The following DOCK8 variants were observed in gnomAD, a reference collection of about 807,000 sequenced individuals.
DOCK8 encodes dedicator of cytokinesis 8, also known as dedicator of cytokinesis protein 8.
In DOCK8, 141 loss-of-function variants were observed where a neutral mutation model predicts 245.6. That is an observed-to-expected ratio of 0.57 (90% confidence interval 0.50 to 0.66). The LOEUF is 0.66. Among genes scored for constraint, DOCK8 ranks in the 30% least tolerant of loss-of-function variants. DOCK8 has a pLI of 0.00. For synonymous variants in DOCK8, 1,168 were observed against 970.2 expected, an observed-to-expected ratio of 1.20 and a Z score of -3.79; for missense variants, 2,965 against 2,603.4, an observed-to-expected ratio of 1.14 and a Z score of -3.02.
At chr9:305,528 G>A (rs375329174) in intron 5 of DOCK8, among the ~76,000 whole-genome samples, 8 of 152,136 alleles carry the variant, frequency 5.3e-5, no homozygotes, top group East Asian at 1.9e-4. Context: ...CTTGTGATCC[G>A]CCCGCCTCGG....
chr9:301,735 C>T (rs2049554189), intron 4 of DOCK8, among the ~76,000 whole-genome samples: 1 of 152,132 alleles, frequency 6.6e-6, no homozygotes, highest in African/African-American at 2.4e-5. Context: ...ATCAAGAATG[C>T]AATTCCATTT....
chr9:266,289 C>G (rs1299751290), intron 1 of DOCK8, among the ~76,000 whole-genome samples: 2 of 152,106 alleles, frequency 1.3e-5, no homozygotes, highest in Non-Finnish European at 2.9e-5. Flanking sequence ...CATCTGCCCT[C>G]CTCCCACCTA....
chr9:314,642 A>AG (rs2050268904), intron 6 of DOCK8, among the ~76,000 whole-genome samples: 1 of 152,202 alleles, frequency 6.6e-6, no homozygotes, highest in Non-Finnish European at 1.5e-5. Context: ...AAAATGCTTG[A>AG]GGGCCTCTAT....
At chr9:408,812 T>G (rs942964776) in intron 28 of DOCK8, among the ~76,000 whole-genome samples, 2 of 152,160 alleles carry the variant, frequency 1.3e-5, no homozygotes, top group Non-Finnish European at 1.5e-5. Flanking sequence ...GTAGAGTATA[T>G]TCAGAGATAA....
Position 368,100 on chromosome 9 carries a change from T to C in DOCK8, c.1762T>C (p.Phe588Leu), listed in dbSNP as rs989941193. ...CCGGAACATTACAATAAAGATCCAG[T>C]TTATGTGTGGAGAAGATGCTAGCAA... ...SARNITIKIQ[F>L]MCGEDASNAM... Residue 588 changes from phenylalanine (F) to leucine (L), a missense_variant, in exon 15 of 48, where the codon TTT becomes CTT. By Grantham distance (22) the Phe-to-Leu change is conservative. Coordinates refer to ENST00000432829, the MANE Select transcript of DOCK8 (RefSeq NM_203447.4). The C allele has an allele frequency of 1.9e-6, 3 of 1,613,942 alleles. No individual in the cohort carries two copies. The highest frequency in any genetic ancestry group is 3.3e-5 in the Admixed American group (2 of 59,986).
intron 18 of DOCK8, among the ~76,000 whole-genome samples, chr9:372,749 C>CT (rs2053351011): frequency 1.3e-5 from 2 of 152,198 alleles, no homozygotes; most frequent in Non-Finnish European, 2.9e-5. Flanking sequence ...GTTTCTGGCA[C>CT]TTTCTCTTGC....
rs151243397 is a variant in DOCK8 at position 418,483 on chromosome 9, G to A, written c.3840+276G>A. On this transcript the variant is annotated intron_variant, in intron 30 of 47. Transcript: ENST00000432829. ...GGGTTTCGCCATGTTGGCCAGGCTG[G>A]TCTCAAACTCCCAACCTCAGATGGT... Among the ~76,000 whole-genome samples, 743 of 152,162 alleles carry A rather than the reference G, an allele frequency of 4.9e-3. 6 individuals are homozygous for A. The highest frequency in any genetic ancestry group is 0.017 in the African/African-American group (692 of 41,510).
intron 33 of DOCK8, among the ~76,000 whole-genome samples, chr9:426,004 G>A (rs1327022970): frequency 1.3e-5 from 2 of 152,082 alleles, no homozygotes; most frequent in East Asian, 3.9e-4. Context: ...CAGGACATAT[G>A]AGCTGATATA....
intron 5 of DOCK8, among the ~76,000 whole-genome samples, chr9:305,645 G>T (rs1223251197): frequency 6.6e-6 from 1 of 152,174 alleles, no homozygotes; most frequent in African/African-American, 2.4e-5. Flanking sequence ...TGTACATATT[G>T]TGAAATGAGC....
intron 16 of DOCK8, 116 bp downstream of exon 16, chr9:370,416 C>A: frequency 2.3e-6 from 2 of 884,254 alleles, no homozygotes; most frequent in Non-Finnish European, 3.7e-6. Flanking sequence ...GACTGAGGGG[C>A]AAAGGAAATC....
chr9:214,380 C>G, upstream of DOCK8: 1 of 795,676 alleles, frequency 1.3e-6, no homozygotes. Flanking sequence ...TATTTAGTGT[C>G]TCAGGAAGGA....
intron 46 of DOCK8, among the ~76,000 whole-genome samples, chr9:457,605 C>T (rs2057680021): frequency 6.6e-6 from 1 of 152,188 alleles, no homozygotes; most frequent in Non-Finnish European, 1.5e-5. Flanking sequence ...CAGCAGGATT[C>T]TGGGTTTATA....
intron 26 of DOCK8, among the ~76,000 whole-genome samples, chr9:399,777 C>T (rs984278412): frequency 2.6e-5 from 4 of 152,020 alleles, no homozygotes; most frequent in Admixed American, 2.0e-4. Flanking sequence ...GTGCCATCCC[C>T]CCAGATTTTT....
intron 26 of DOCK8, among the ~76,000 whole-genome samples, chr9:400,952 A>ACCACCTCCTCCACCACCT (rs1554692476): frequency 1.5e-5 from 1 of 67,438 alleles, no homozygotes; most frequent in Non-Finnish European, 3.6e-5. Flanking sequence ...CACCATCACC[A>ACCACCTCCTCCACCACCT]CCACCACCAC....
At chr9:370,380 C>T in intron 16 of DOCK8, 80 bp downstream of exon 16, 1 of 1,247,444 alleles carries the variant, frequency 8.0e-7, no homozygotes, top group South Asian at 1.2e-5. Context: ...GTGGGTGGTT[C>T]CTCCTAACTA....
intron 1 of DOCK8, among the ~76,000 whole-genome samples, chr9:242,810 G>GC (rs2047405999): frequency 7.1e-6 from 1 of 140,930 alleles, no homozygotes; most frequent in East Asian, 2.0e-4. Flanking sequence ...TGTTGAGCTT[G>GC]TTTTTTTTTT....
chr9:311,287 A>T (rs2050099521), intron 5 of DOCK8, among the ~76,000 whole-genome samples: 1 of 131,944 alleles, frequency 7.6e-6, no homozygotes, highest in South Asian at 2.2e-4. Flanking sequence ...TCGGTCTTTA[A>T]AAAAAAAAAA....
chr9:255,821 G>C (rs1313262823), intron 1 of DOCK8, among the ~76,000 whole-genome samples: 1 of 151,464 alleles, frequency 6.6e-6, no homozygotes, highest in Non-Finnish European at 1.5e-5. Flanking sequence ...AACAAACATA[G>C]TATTATTTTA....
chr9:359,803 CAAAAA>C (rs67236172), intron 14 of DOCK8, among the ~76,000 whole-genome samples: 7,153 of 108,596 alleles, frequency 0.066, 196 homozygotes, highest in African/African-American at 0.1. Context: ...TCTGTCTTTG[CAAAAA>C]AAAAAAAAAA....
Sources: gnomAD v4.1 joint callset for allele counts (sites outside exome capture counted in the v4.1 genomes callset) on GRCh38, gnomAD v4.1.1 for gene constraint, MANE v1.5 for transcripts, NCBI Gene and HGNC (gene_info 2026-07-23, HGNC 2026-07-21) for gene names.